The following STIP1 variants were observed in gnomAD, a reference collection of about 807,000 sequenced individuals.
STIP1 encodes stress-induced-phosphoprotein 1.
A neutral mutation model predicts 77.4 loss-of-function variants in STIP1; 16 were observed. The ratio of observed to expected loss-of-function variants is 0.21; its 90% CI spans 0.14 to 0.31. STIP1 has a LOEUF of 0.31. STIP1 is among the 10% of genes least tolerant of loss of function. The pLI is 1.00. For missense variants in STIP1, 524 were observed against 684.8 expected (o/e 0.77, Z 2.62); for synonymous variants, 258 against 246.6 (o/e 1.05, Z -0.44).
intron 10 of STIP1, among the ~76,000 whole-genome samples, chr11:64,201,715 G>A (rs904900998): frequency 6.6e-6 from 1 of 152,174 alleles, no homozygotes; most frequent in African/African-American, 2.4e-5. Context: ...CAAGAGTCAT[G>A]TCAAAAGCAT....
intron 8 of STIP1, among the ~76,000 whole-genome samples, chr11:64,199,384 C>T (rs1565282266): frequency 7.0e-6 from 1 of 143,468 alleles, no homozygotes; most frequent in Non-Finnish European, 1.5e-5. Flanking sequence ...TGGGCGCCTG[C>T]AGTCCCAGCT....
intron 1 of STIP1, among the ~76,000 whole-genome samples, chr11:64,187,835 A>G (rs1050168446): frequency 1.3e-5 from 2 of 151,566 alleles, no homozygotes; most frequent in Non-Finnish European, 2.9e-5. Context: ...CCCCGTCTCT[A>G]CTAAAAATAC....
intron 4 of STIP1, 135 bp downstream of exon 4, chr11:64,194,755 T>C: frequency 9.0e-7 from 1 of 1,116,008 alleles, no homozygotes; most frequent in Non-Finnish European, 1.3e-6. Flanking sequence ...GAGCAGTAGG[T>C]GGTGGTCGTT....
chr11:64,185,572 G>T, upstream of STIP1: 1 of 546,238 alleles, frequency 1.8e-6, no homozygotes, highest in South Asian at 2.2e-5. Context: ...CGAAGGGCTG[G>T]GGCCCTGTGC....
chr11:64,203,286 TC>T, intron 12 of STIP1, 58 bp downstream of exon 12: 2 of 1,599,360 alleles, frequency 1.3e-6, no homozygotes, highest in Non-Finnish European at 1.7e-6. Flanking sequence ...TTGGGGCTTT[TC>T]CATGTTCAGT....
intron 1 of STIP1, among the ~76,000 whole-genome samples, chr11:64,186,827 A>T (rs1373848695): frequency 6.6e-6 from 1 of 152,168 alleles, no homozygotes; most frequent in East Asian, 1.9e-4. Flanking sequence ...ACTCTTCTAC[A>T]TCTGAGAAGG....
Position 64,204,287 on chromosome 11 carries a change from T to A in STIP1, c.*161T>A. The A allele has an allele frequency of 1.4e-6, 1 of 696,712 alleles. No homozygotes were observed. The highest frequency in any genetic ancestry group is 2.3e-6 in the Non-Finnish European group (1 of 428,130). 43.2% of individuals were successfully genotyped at this position (696,712 alleles called of 1,614,324 possible). ...GACACAGAGACTCGTACCTGCGCTG[T>A]TTGTGCCGCCGCTGCCTCTGGGCCC... On this transcript the variant is annotated 3_prime_UTR_variant, in exon 14 of 14. Coordinates refer to ENST00000305218, the MANE Select transcript of STIP1 (RefSeq NM_006819.3).
chr11:64,189,897 C>T (rs1468229442), intron 1 of STIP1, among the ~76,000 whole-genome samples: 1 of 152,048 alleles, frequency 6.6e-6, no homozygotes, highest in Non-Finnish European at 1.5e-5. Flanking sequence ...TTTTTTATCC[C>T]TTGTTTGCTT....
chr11:64,203,318 CCTCCATTTCT>C, intron 12 of STIP1, 90 bp downstream of exon 12: 1 of 1,578,970 alleles, frequency 6.3e-7, no homozygotes, highest in Non-Finnish European at 8.7e-7. Flanking sequence ...TTCCCTGTCA[CCTCCATTTCT>C]CTCTGTTTCT....
intron 5 of STIP1, among the ~76,000 whole-genome samples, chr11:64,196,053 A>G (rs760170062): frequency 6.6e-6 from 1 of 152,122 alleles, no homozygotes. Context: ...GTGCTTTAGT[A>G]TGCGCTAAGC....
Position 64,197,741 on chromosome 11 carries a change from CA to C in STIP1, c.903-109del. On this transcript the variant is annotated intron_variant, in intron 7 of 13. Coordinates refer to ENST00000305218, the MANE Select transcript of STIP1 (RefSeq NM_006819.3). ...GGCAAGAAGGTCACCAGAGACAAGA[CA>C]AAAGGTGTTGAAGGCAGTGATGCGG... The C allele has an allele frequency of 3.2e-6, 5 of 1,553,858 alleles. No individual in the cohort carries two copies. In the South Asian group the frequency reaches 5.9e-5, roughly 18 times the overall value.
At chr11:64,200,779 G>A (rs2134807256) in intron 10 of STIP1, among the ~76,000 whole-genome samples, 1 of 152,126 alleles carries the variant, frequency 6.6e-6, no homozygotes, top group South Asian at 2.1e-4. Flanking sequence ...AAGTGGAATT[G>A]CTGGGTCATG....
At position 64,204,456 on chromosome 11, in the gene STIP1, G is replaced by T; in HGVS notation, c.*330G>T. On this transcript the variant is annotated 3_prime_UTR_variant, in exon 14 of 14. Transcript: ENST00000305218. ...GGGCATGTTATGGGGAGGGGAGGGG[G>T]TTCTTCCAGCCTCAGGTCCCAGCTG... 1 of 344,338 alleles carries T rather than the reference G, an allele frequency of 2.9e-6. No individual in the cohort carries two copies. The highest frequency in any genetic ancestry group is 4.6e-5 in the Admixed American group (1 of 21,772). The allele number at this position is 344,338 out of a possible 1,614,324, so 21.3% of individuals were successfully genotyped here.
chr11:64,185,688 T>A, upstream of STIP1: 2 of 1,235,618 alleles, frequency 1.6e-6, no homozygotes, highest in Non-Finnish European at 2.2e-6. Context: ...AGACCCCGAC[T>A]GCAGCCGGTA....
intron 1 of STIP1, among the ~76,000 whole-genome samples, chr11:64,192,179 G>A (rs1020498279): frequency 2.6e-5 from 4 of 152,014 alleles, no homozygotes; most frequent in Non-Finnish European, 5.9e-5. Flanking sequence ...CCAAGTGTGG[G>A]GGTGTGCGCC....
At chr11:64,197,144 G>T in intron 5 of STIP1, 127 bp from the exon 6 acceptor site, 1 of 1,210,302 alleles carries the variant, frequency 8.3e-7, no homozygotes, top group East Asian at 2.4e-5. Flanking sequence ...TGATGAAGAG[G>T]CCTTCAGGAG....
chr11:64,185,651 C>G (rs1946001882), upstream of STIP1: 1 of 862,002 alleles, frequency 1.2e-6, no homozygotes, highest in Non-Finnish European at 1.7e-6. Context: ...AACCCAGAGG[C>G]CCCGCAGCCG....
At chr11:64,196,977 G>A (rs1282032580) in intron 5 of STIP1, 1 of 354,344 alleles carries the variant, frequency 2.8e-6, no homozygotes, top group Non-Finnish European at 5.3e-6. Flanking sequence ...GTCCTCACCG[G>A]TTGCTTCAAG....
At chr11:64,186,094 A>G, upstream of STIP1, 1 of 1,550,138 alleles carries the variant, frequency 6.5e-7, no homozygotes, top group East Asian at 2.4e-5. Context: ...AGCCAATAGT[A>G]GAGCAGCACA....
Sources: allele counts gnomAD v4.1 joint callset (sites outside exome capture counted in the v4.1 genomes callset), GRCh38; gene constraint gnomAD v4.1.1; transcripts MANE v1.5; gene names NCBI Gene and HGNC (gene_info 2026-07-23, HGNC 2026-07-21).